The following SLC12A7 variants were observed in gnomAD, a reference collection of about 807,000 sequenced individuals.
The protein encoded by SLC12A7 is solute carrier family 12 member 7, also known as K-Cl cotransporter 4.
A neutral mutation model predicts 120.6 loss-of-function variants in SLC12A7; 100 were observed. That is an observed-to-expected ratio of 0.83 (90% CI 0.71 to 0.98). SLC12A7 has a LOEUF of 0.98. Ranked by LOEUF, SLC12A7 falls within the 50% of genes least tolerant of loss-of-function variation. The pLI is 0.00. For missense variants in SLC12A7, 1,373 were observed against 1,548.1 expected (o/e 0.89, Z 1.90); for synonymous variants, 760 against 678.0 (o/e 1.12, Z -1.88).
intron 1 of SLC12A7, among the ~76,000 whole-genome samples, chr5:1,101,839 T>G (rs147655461): frequency 1.5e-5 from 2 of 134,802 alleles, no homozygotes; most frequent in African/African-American, 5.6e-5. Flanking sequence ...CTTTGCTGAG[T>G]TTTCTCTGGC....
At chr5:1,060,265 G>A in intron 21 of SLC12A7, 79 bp downstream of exon 21, 1 of 1,092,544 alleles carries the variant, frequency 9.2e-7, no homozygotes, top group Non-Finnish European at 1.4e-6. Flanking sequence ...TGGGCTGCAG[G>A]AGGGTCCCAG....
chr5:1,075,788 T>G, intron 14 of SLC12A7: 1 of 491,952 alleles, frequency 2.0e-6, no homozygotes, highest in Non-Finnish European at 3.6e-6. Flanking sequence ...CAGCGCCTGA[T>G]TCCTGGGGAG....
chr5:1,085,141 C>A, intron 7 of SLC12A7, 91 bp downstream of exon 7: 1 of 1,526,570 alleles, frequency 6.6e-7, no homozygotes, highest in Non-Finnish European at 8.8e-7. Flanking sequence ...GGGAGCTCGG[C>A]GTCAAGGATG....
Position 1,051,187 on chromosome 5 carries a change from T to G in SLC12A7, c.*1173A>C. Reference sequence around the variant, plus strand: ...GTGTTGGGCCCTTGAAAGCTATCTCTTCAGTGCCACCGCCGCCTCCATGCA... The same window carrying G: ...GTGTTGGGCCCTTGAAAGCTATCTCGTCAGTGCCACCGCCGCCTCCATGCA... On this transcript the variant is annotated 3_prime_UTR_variant, in exon 24 of 24. Transcript: ENST00000264930. 2 of 364,414 alleles carry G rather than the reference T, an allele frequency of 5.5e-6. No homozygotes were observed. Among genetic ancestry groups the G allele is most frequent in the Non-Finnish European group, 9.8e-6 (2 of 204,780 alleles). The allele number at this position is 364,414 out of a possible 1,614,324, so 22.6% of individuals were successfully genotyped here.
chr5:1,114,951 A>G (rs1391762186), upstream of SLC12A7, among the ~76,000 whole-genome samples: 1 of 152,244 alleles, frequency 6.6e-6, no homozygotes, highest in Non-Finnish European at 1.5e-5. Flanking sequence ...TGGTGCCCAC[A>G]GGAAAGGCAG....
At chr5:1,155,671 T>C in the SLC12A7 span, among the ~76,000 whole-genome samples, 8 of 151,062 alleles carry the variant, frequency 5.3e-5, no homozygotes, top group Admixed American at 5.3e-4. Flanking sequence ...TGCGCGCACC[T>C]ACCGTAGCGG....
At chr5:1,094,376 G>A (rs143324383) in intron 1 of SLC12A7, 128 bp from the exon 2 acceptor site, 1 of 704,050 alleles carries the variant, frequency 1.4e-6, no homozygotes, top group African/African-American at 1.8e-5. Context: ...ATGGCTAAGG[G>A]TGATACTTCT....
chr5:1,101,696 G>C (rs1395549637), intron 1 of SLC12A7, among the ~76,000 whole-genome samples: 4 of 152,176 alleles, frequency 2.6e-5, no homozygotes, highest in Non-Finnish European at 4.4e-5. Context: ...AGCCCTATGG[G>C]TGCTAGCTGT....
At chr5:1,142,464 CCCCCCTCCCCT>C in the SLC12A7 span, among the ~76,000 whole-genome samples, 61 of 32,446 alleles carry the variant, frequency 1.9e-3, 2 homozygotes, top group African/African-American at 0.01. Context: ...GCCCTCCACT[CCCCCCTCCCCT>C]CCCCCTCCCC....
chr5:1,073,540 T>C (rs1210426398), intron 17 of SLC12A7, 93 bp downstream of exon 17: 32 of 1,383,916 alleles, frequency 2.3e-5, no homozygotes, highest in Non-Finnish European at 3.0e-5. Context: ...CACAGCACCG[T>C]GTTGACACGC....
At chr5:1,079,573 T>C in intron 9 of SLC12A7, 77 bp from the exon 10 acceptor site, 2 of 1,251,782 alleles carry the variant, frequency 1.6e-6, no homozygotes, top group Non-Finnish European at 2.3e-6. Flanking sequence ...CCCAGAAAGC[T>C]GGAAAGGCGG....
Position 1,073,730 on chromosome 5 carries a change from G to A in SLC12A7, c.2144C>T (p.Thr715Met), listed in dbSNP as rs1415081377. The stretch of plus-strand genomic sequence containing the variant: ...GCCCTTGCCGGCCTTCAGCTGCGAC[G>A]TGAAGGACAGCAGGCGGGGGTGCTT... ...AVKHPRLLSFTSQLKAGKGLT... is the reference protein window; with the variant it reads ...AVKHPRLLSFMSQLKAGKGLT... The change falls in exon 17 of 24, where the codon ACG becomes ATG. Residue 715 changes from threonine to methionine, a missense_variant. By Grantham distance (81) the Thr-to-Met change is moderately conservative. Transcript: ENST00000264930. 7.6e-6 allele frequency: 12 copies of A among 1,575,162 alleles called. No homozygotes were observed. Among genetic ancestry groups the A allele is most frequent in the South Asian group, 1.2e-5 (1 of 86,824 alleles).
At chr5:1,121,946 C>T in the SLC12A7 span, among the ~76,000 whole-genome samples, 1 of 152,184 alleles carries the variant, frequency 6.6e-6, no homozygotes, top group African/African-American at 2.4e-5. Context: ...CACCCTAGGC[C>T]TGCTTCATGC....
intron 18 of SLC12A7, among the ~76,000 whole-genome samples, 196 bp downstream of exon 18, chr5:1,065,087 A>AG (rs1366789930): frequency 7.2e-5 from 10 of 138,380 alleles, no homozygotes; most frequent in African/African-American, 2.8e-4. Flanking sequence ...GGGGACACTG[A>AG]GGAGACACAC....
intron 17 of SLC12A7, among the ~76,000 whole-genome samples, chr5:1,066,904 G>A (rs892154110): frequency 1.3e-5 from 2 of 152,236 alleles, no homozygotes; most frequent in South Asian, 2.1e-4. Flanking sequence ...GCTGTGAGCC[G>A]TGTGGTCTGT....
At chr5:1,092,097 C>T (rs1356843890) in intron 3 of SLC12A7, among the ~76,000 whole-genome samples, 2 of 152,268 alleles carry the variant, frequency 1.3e-5, no homozygotes, top group African/African-American at 4.8e-5. Flanking sequence ...TCACGTCCCT[C>T]GTCTCCGGTT....
intron 1 of SLC12A7, among the ~76,000 whole-genome samples, chr5:1,097,199 G>T (rs1264721434): frequency 6.6e-6 from 1 of 152,200 alleles, no homozygotes; most frequent in East Asian, 1.9e-4. Flanking sequence ...AGCAACCACT[G>T]TTTATCTGAA....
intron 21 of SLC12A7, among the ~76,000 whole-genome samples, chr5:1,059,012 T>C (rs937579751): frequency 1.3e-5 from 2 of 152,224 alleles, no homozygotes; most frequent in Non-Finnish European, 2.9e-5. Flanking sequence ...CTCTCCACAC[T>C]GAACTTCCCA....
chr5:1,122,677 CAGGAG>C, the SLC12A7 span, among the ~76,000 whole-genome samples: 1 of 152,160 alleles, frequency 6.6e-6, no homozygotes, highest in African/African-American at 2.4e-5. Flanking sequence ...AGGGACCTCC[CAGGAG>C]AGGATCAGAC....
Sources: gnomAD v4.1 joint callset for allele counts (sites outside exome capture counted in the v4.1 genomes callset) on GRCh38, gnomAD v4.1.1 for gene constraint, MANE v1.5 for transcripts, NCBI Gene and HGNC (gene_info 2026-07-23, HGNC 2026-07-21) for gene names.